TMEM87A: variants seen among roughly 807,000 people sequenced by gnomAD.
TMEM87A encodes the protein transmembrane protein 87A.
In TMEM87A, 50 loss-of-function variants were observed where a neutral mutation model predicts 90.0. That is an observed-to-expected ratio of 0.56 (90% CI 0.44 to 0.70). The LOEUF (loss-of-function observed/expected upper bound fraction) is 0.70, where lower values mean the gene tolerates loss of function less well. Ranked by LOEUF, TMEM87A falls within the 30% of genes least tolerant of loss-of-function variation. The pLI, the probability that TMEM87A is intolerant of heterozygous loss-of-function variation, is 0.00. For missense variants in TMEM87A, 577 were observed against 660.5 expected, an observed-to-expected ratio of 0.87 and a Z score of 1.39; for synonymous variants, 226 against 226.7, an observed-to-expected ratio of 1.00 and a Z score of 0.03.
chr15:42,221,975 A>C (rs781018275), intron 15 of TMEM87A, among the ~76,000 whole-genome samples: 1 of 152,126 alleles, frequency 6.6e-6, no homozygotes, highest in Non-Finnish European at 1.5e-5. Context: ...GGCTGGTCTC[A>C]AACTCCTGGG....
In TMEM87A at chr15:42,227,479, T is replaced by C. The variant is rs549725274; in HGVS notation, c.1299+232A>G. 2.4e-5 allele frequency: 10 copies of C among 425,364 alleles called. No homozygotes were observed. The East Asian group carries it at 4.1e-4, about 17-fold the overall frequency. 26.3% of individuals were successfully genotyped at this position (425,364 alleles called of 1,614,324 possible). A position where few individuals can be genotyped will look rare whatever the true frequency, so the allele number is the denominator to read the frequency against. ...ACACTGTAGTTATAACTTACAAAATTCTCTCCCAAAACTGGGAGAATACAG... is the reference window on the plus strand; with the variant it reads ...ACACTGTAGTTATAACTTACAAAATCCTCTCCCAAAACTGGGAGAATACAG... On this transcript the variant is annotated intron_variant, in intron 14 of 19. Coordinates refer to ENST00000389834, the MANE Select transcript of TMEM87A (RefSeq NM_015497.5).
chr15:42,236,458 G>A, intron 9 of TMEM87A, 39 bp from the exon 10 acceptor site: 1 of 1,584,748 alleles, frequency 6.3e-7, no homozygotes, highest in African/African-American at 1.3e-5. Context: ...CATAATCTAG[G>A]TTTGGCAACA....
chr15:42,233,316 A>T lies in TMEM87A; in HGVS notation c.969-10T>A. 6.2e-7 allele frequency: 1 copy of T among 1,608,376 alleles called. No individual in the cohort carries two copies. Among genetic ancestry groups the T allele is most frequent in the Non-Finnish European group, 8.5e-7 (1 of 1,175,556 alleles). Reference sequence around the variant, plus strand: ...GACTCCAAGGCGTGGCCTAAAGAGGAAGCAAGGAGATATTTGAGTACATAT... The same window carrying T: ...GACTCCAAGGCGTGGCCTAAAGAGGTAGCAAGGAGATATTTGAGTACATAT... On this transcript the variant is annotated splice_polypyrimidine_tract_variant and intron_variant, in intron 10 of 19. Transcript: ENST00000389834.
chr15:42,265,605 C>G (rs540381477), intron 3 of TMEM87A, among the ~76,000 whole-genome samples: 30 of 152,022 alleles, frequency 2.0e-4, no homozygotes, highest in Admixed American at 1.9e-3. Flanking sequence ...GATATTAGAC[C>G]TTTGTTGGAT....
At chr15:42,249,600 G>A (rs761648080) in intron 6 of TMEM87A, among the ~76,000 whole-genome samples, 2 of 152,250 alleles carry the variant, frequency 1.3e-5, no homozygotes, top group African/African-American at 2.4e-5. Flanking sequence ...TTTTGAGTGA[G>A]TTTCTTAATC....
In TMEM87A at chr15:42,244,306, G is replaced by A. The variant is rs556821300; in HGVS notation, c.505-139C>T. 2.4e-5 allele frequency: 14 copies of A among 580,898 alleles called. No individual in the cohort carries two copies. In the East Asian group the frequency reaches 4.3e-4, roughly 18 times the overall value. The allele number at this position is 580,898 out of a possible 1,614,324, so 36.0% of individuals were successfully genotyped here. On this transcript the variant is annotated intron_variant, in intron 6 of 19. Transcript: ENST00000389834. ...TCTCTTTCATTCATTGAAACATTAG[G>A]CACAACAAACCAAACAAGCCTAGTG...
chr15:42,256,977 C>T (rs988537506), intron 6 of TMEM87A, among the ~76,000 whole-genome samples: 1 of 152,164 alleles, frequency 6.6e-6, no homozygotes, highest in African/African-American at 2.4e-5. Flanking sequence ...TGTGGCCTCC[C>T]AAGGTGCTGG....
At chr15:42,235,861 TTC>T (rs1239802068) in intron 10 of TMEM87A, among the ~76,000 whole-genome samples, 1 of 152,228 alleles carries the variant, frequency 6.6e-6, no homozygotes, top group Middle Eastern at 3.2e-3. Flanking sequence ...GCTCAAAATC[TTC>T]TGTTTACTTG....
At chr15:42,254,277 A>G (rs2051137361) in intron 6 of TMEM87A, among the ~76,000 whole-genome samples, 1 of 152,216 alleles carries the variant, frequency 6.6e-6, no homozygotes, top group Non-Finnish European at 1.5e-5. Context: ...TTTTTGATTA[A>G]GCACTGCATT....
At chr15:42,235,573 T>C (rs2050755133) in intron 10 of TMEM87A, among the ~76,000 whole-genome samples, 1 of 152,218 alleles carries the variant, frequency 6.6e-6, no homozygotes, top group Admixed American at 6.5e-5. Context: ...TTTCCTATCA[T>C]ACATCTGATC....
chr15:42,264,324 A>G (rs1393194842), intron 3 of TMEM87A, 121 bp from the exon 4 acceptor site: 19 of 637,458 alleles, frequency 3.0e-5, no homozygotes, highest in Non-Finnish European at 5.2e-5. Context: ...CTATTTTAAA[A>G]ATGAACAGCA....
rs955644165 is a variant in TMEM87A at position 42,211,041 on chromosome 15, T to A, written c.*667A>T. The A allele has an allele frequency of 2.6e-5, 4 of 152,546 alleles. No homozygotes were observed. The highest frequency in any genetic ancestry group is 4.4e-5 in the Non-Finnish European group (3 of 68,028). 9.4% of individuals were successfully genotyped at this position (152,546 alleles called of 1,614,324 possible). A position where few individuals can be genotyped will look rare whatever the true frequency, so the allele number is the denominator to read the frequency against. On this transcript the variant is annotated 3_prime_UTR_variant, in exon 20 of 20. Transcript: ENST00000389834. Reference sequence around the variant, plus strand: ...AGCTAATATTTCTCTTTAAAGTACATCTGAAATAGAAAAATCTTTAATATA... The same window carrying A: ...AGCTAATATTTCTCTTTAAAGTACAACTGAAATAGAAAAATCTTTAATATA...
At chr15:42,218,819 G>A (rs2050424291) in intron 17 of TMEM87A, 1 of 159,624 alleles carries the variant, frequency 6.3e-6, no homozygotes, top group African/African-American at 2.4e-5. Context: ...TCTACTGATG[G>A]ACATGCAGGT....
At chr15:42,270,072 AT>A (rs2051487455) in intron 2 of TMEM87A, among the ~76,000 whole-genome samples, 1 of 151,116 alleles carries the variant, frequency 6.6e-6, no homozygotes, top group South Asian at 2.1e-4. Flanking sequence ...GAAAAAGATA[AT>A]GTTAAAGTGT....
intron 6 of TMEM87A, among the ~76,000 whole-genome samples, chr15:42,247,662 C>T (rs1218491648): frequency 6.6e-6 from 1 of 152,126 alleles, no homozygotes; most frequent in Non-Finnish European, 1.5e-5. Context: ...GTTTTGGTAC[C>T]AGTACCATGC....
At chr15:42,266,820 T>G (rs996699750) in intron 3 of TMEM87A, among the ~76,000 whole-genome samples, 5 of 152,182 alleles carry the variant, frequency 3.3e-5, no homozygotes, top group Non-Finnish European at 7.3e-5. Context: ...ATACAATAAA[T>G]TATTGTCTTG....
chr15:42,273,060 C>T, intron 1 of TMEM87A, 195 bp downstream of exon 1: 1 of 707,640 alleles, frequency 1.4e-6, no homozygotes, highest in South Asian at 1.6e-5. Flanking sequence ...CCCTTACATT[C>T]CCGCTAGCCT....
chr15:42,217,738 G>C, intron 19 of TMEM87A, 65 bp downstream of exon 19: 1 of 1,507,248 alleles, frequency 6.6e-7, no homozygotes, highest in Admixed American at 1.8e-5. Flanking sequence ...TCCATGAACA[G>C]ACGATTCATG....
At chr15:42,230,609 ACT>A (rs2050670413) in intron 12 of TMEM87A, among the ~76,000 whole-genome samples, 1 of 152,178 alleles carries the variant, frequency 6.6e-6, no homozygotes. Context: ...CTGCTGGTTG[ACT>A]CTGCCTGTAA....
Sources: gnomAD v4.1 joint callset for allele counts (sites outside exome capture counted in the v4.1 genomes callset) on GRCh38, gnomAD v4.1.1 for gene constraint, MANE v1.5 for transcripts, NCBI Gene and HGNC (gene_info 2026-07-23, HGNC 2026-07-21) for gene names.